The following GPR158 variants were observed in gnomAD, a reference collection of about 807,000 sequenced individuals.
GPR158 encodes the protein metabotropic glycine receptor.
Under a neutral mutation model 78.2 loss-of-function variants are expected in GPR158, and 30 were observed. The ratio of observed to expected loss-of-function variants is 0.38; its 90% CI spans 0.29 to 0.52. The LOEUF (loss-of-function observed/expected upper bound fraction) is 0.52, where lower values mean the gene tolerates loss of function less well. GPR158 is among the 20% of genes least tolerant of loss of function. GPR158 has a pLI of 0.83. For synonymous variants in GPR158, 581 were observed against 591.1 expected (o/e 0.98, Z 0.25); for missense variants, 1,463 against 1,523.5 (o/e 0.96, Z 0.66).
intron 2 of GPR158, among the ~76,000 whole-genome samples, chr10:25,369,118 G>A (rs1415006177): frequency 6.6e-6 from 1 of 151,672 alleles, no homozygotes; most frequent in Admixed American, 6.6e-5. Context: ...TGCAAACAGG[G>A]ACAATTTGTC....
At chr10:25,485,421 AG>A (rs765173415) in intron 5 of GPR158, among the ~76,000 whole-genome samples, 1 of 152,186 alleles carries the variant, frequency 6.6e-6, no homozygotes, top group Non-Finnish European at 1.5e-5. Flanking sequence ...CACCCTAAAA[AG>A]ATCCAGAGCC....
chr10:25,503,205 CAA>C (rs5783937), intron 5 of GPR158, among the ~76,000 whole-genome samples: 45,985 of 138,290 alleles, frequency 0.33, 7,890 homozygotes, highest in East Asian at 0.5. Flanking sequence ...GACCTCATTG[CAA>C]AAAAAAAAAA....
At chr10:25,204,237 C>A (rs1004946643) in intron 1 of GPR158, among the ~76,000 whole-genome samples, 1 of 152,120 alleles carries the variant, frequency 6.6e-6, no homozygotes, top group Admixed American at 6.5e-5. Flanking sequence ...TAATTGAATA[C>A]CCTTTATTTC....
intron 2 of GPR158, among the ~76,000 whole-genome samples, chr10:25,276,453 C>A (rs1350002352): frequency 2.6e-5 from 4 of 152,138 alleles, no homozygotes; most frequent in Non-Finnish European, 5.9e-5. Flanking sequence ...CTTTGCCCTC[C>A]CAATTATGTG....
intron 2 of GPR158, among the ~76,000 whole-genome samples, chr10:25,262,569 C>T (rs1005631195): frequency 3.0e-4 from 46 of 152,072 alleles, no homozygotes; most frequent in African/African-American, 1.1e-3. Context: ...AATTAATAAA[C>T]ATTTTTAAGA....
chr10:25,509,388 T>G (rs1368233162), intron 5 of GPR158, among the ~76,000 whole-genome samples: 1 of 152,192 alleles, frequency 6.6e-6, no homozygotes, highest in Non-Finnish European at 1.5e-5. Flanking sequence ...AGCTACTTAT[T>G]ATGCCCGTGG....
In GPR158 at chr10:25,506,061, G is replaced by A. The variant is rs186761371; in HGVS notation, c.1404+39342G>A. On this transcript the variant is annotated intron_variant, in intron 5 of 10. Coordinates refer to ENST00000376351, the MANE Select transcript of GPR158 (RefSeq NM_020752.3). ...ATTTTAAGCAATCAATCAATGTTGA[G>A]CTATTTTGGATCTCTTGAACAACTC... Among the ~76,000 whole-genome samples, 29 of 152,268 alleles carry A rather than the reference G, an allele frequency of 1.9e-4. 1 individual carries two copies. Among genetic ancestry groups the A allele is most frequent in the Admixed American group, 1.8e-3 (28 of 15,292 alleles).
intron 1 of GPR158, among the ~76,000 whole-genome samples, chr10:25,187,508 A>G (rs2130636845): frequency 6.6e-6 from 1 of 152,348 alleles, no homozygotes; most frequent in South Asian, 2.1e-4. Context: ...AATCCAGCAT[A>G]TAAACAGAAC....
intron 5 of GPR158, among the ~76,000 whole-genome samples, chr10:25,515,442 A>G (rs1293107560): frequency 6.7e-6 from 1 of 149,468 alleles, no homozygotes; most frequent in Non-Finnish European, 1.5e-5. Flanking sequence ...ATATGTATAC[A>G]TGTGCCATGC....
chr10:25,432,239 C>T (rs958530753), intron 4 of GPR158, among the ~76,000 whole-genome samples: 8 of 152,060 alleles, frequency 5.3e-5, no homozygotes, highest in Admixed American at 2.0e-4. Flanking sequence ...TCTATTTCCA[C>T]GAGTATTAAT....
At chr10:25,314,393 C>T (rs1325915820) in intron 2 of GPR158, among the ~76,000 whole-genome samples, 1 of 152,138 alleles carries the variant, frequency 6.6e-6, no homozygotes, top group African/African-American at 2.4e-5. Context: ...GCCACCACAC[C>T]CGGTTGGTTT....
intron 5 of GPR158, among the ~76,000 whole-genome samples, chr10:25,529,397 A>G (rs902355197): frequency 1.3e-5 from 2 of 152,238 alleles, no homozygotes; most frequent in African/African-American, 2.4e-5. Context: ...AAAAAAATCA[A>G]TTTGAGAGTA....
At chr10:25,257,380 G>T (rs927517977) in intron 2 of GPR158, among the ~76,000 whole-genome samples, 2 of 152,134 alleles carry the variant, frequency 1.3e-5, no homozygotes, top group African/African-American at 2.4e-5. Flanking sequence ...CCATAGGAAT[G>T]CCTCTTAATA....
At chr10:25,357,411 C>G (rs1458558922) in intron 2 of GPR158, among the ~76,000 whole-genome samples, 1 of 152,118 alleles carries the variant, frequency 6.6e-6, no homozygotes, top group Non-Finnish European at 1.5e-5. Context: ...TTCATGGCAG[C>G]CTTTCCCATT....
At chr10:25,508,059 A>C (rs1836037548) in intron 5 of GPR158, among the ~76,000 whole-genome samples, 1 of 152,228 alleles carries the variant, frequency 6.6e-6, no homozygotes, top group Non-Finnish European at 1.5e-5. Flanking sequence ...CATATCAGTC[A>C]AGGGACGGTA....
chr10:25,374,104 T>C (rs1488097031), intron 2 of GPR158, among the ~76,000 whole-genome samples: 1 of 151,746 alleles, frequency 6.6e-6, no homozygotes, highest in Non-Finnish European at 1.5e-5. Flanking sequence ...AAATGTATAT[T>C]ATTGGTGCAT....
intron 2 of GPR158, among the ~76,000 whole-genome samples, chr10:25,323,378 C>A (rs1419750407): frequency 1.3e-5 from 2 of 152,146 alleles, no homozygotes; most frequent in African/African-American, 4.8e-5. Flanking sequence ...ACTCACTCAG[C>A]CTGCCCTTGG....
rs750482177 is a variant in GPR158, at chr10:25,563,347, C to T, written c.1515-9302C>T. On this transcript the variant is annotated intron_variant, in intron 6 of 10. Coordinates refer to ENST00000376351, the MANE Select transcript of GPR158 (RefSeq NM_020752.3). ...ACAAACTATTATTTCATTAGATCTA[C>T]GGTAACTCTCTTATAGAAAACATAT... 7.9e-5 allele frequency among the ~76,000 whole-genome samples: 12 copies of T among 151,186 alleles called. No homozygotes were observed. In the East Asian group the frequency reaches 9.7e-4, roughly 12 times the overall value.
At chr10:25,514,228 G>A (rs78947642) in intron 5 of GPR158, among the ~76,000 whole-genome samples, 74 of 152,054 alleles carry the variant, frequency 4.9e-4, no homozygotes, top group African/African-American at 2.2e-4. Context: ...ATATTTTCCC[G>A]TTGGACACTT....
Sources: gnomAD v4.1 joint callset for allele counts (sites outside exome capture counted in the v4.1 genomes callset) on GRCh38, gnomAD v4.1.1 for gene constraint, MANE v1.5 for transcripts, NCBI Gene and HGNC (gene_info 2026-07-23, HGNC 2026-07-21) for gene names.